SLC35A3: variants seen among roughly 807,000 people sequenced by gnomAD.
SLC35A3 encodes the protein solute carrier family 35 member A3.
SLC35A3 carries 26 observed loss-of-function variants against 39.0 expected under a neutral mutation model. The ratio of observed to expected loss-of-function variants is 0.67; its 90% CI spans 0.49 to 0.92. SLC35A3 has a LOEUF of 0.92. Ranked by LOEUF, SLC35A3 falls within the 40% of genes least tolerant of loss-of-function variation. SLC35A3 has a pLI of 0.00. For missense variants in SLC35A3, 299 were observed against 371.6 expected (o/e 0.80, Z 1.61); for synonymous variants, 135 against 133.1 (o/e 1.01, Z -0.10).
intron 5 of SLC35A3, among the ~76,000 whole-genome samples, chr1:100,012,037 A>C (rs902146154): frequency 9.9e-5 from 15 of 152,086 alleles, no homozygotes; most frequent in African/African-American, 3.4e-4. Flanking sequence ...TTTTAAATGA[A>C]CGCCTTTTAT....
In SLC35A3 at chr1:100,007,124, G is replaced by A. The variant is rs757866129; in HGVS notation, c.433G>A (p.Val145Ile). The A allele has an allele frequency of 9.9e-6, 16 of 1,611,174 alleles. No homozygotes were observed. Among genetic ancestry groups the A allele is most frequent in the Admixed American group, 3.4e-5 (2 of 59,678 alleles). ...KLGVYQWLSL[V>I]ILMTGVAFVQ... Reference sequence around the variant, plus strand: ...GGGTGTATACCAGTGGCTGTCCCTAGTAATTTTGATGACAGGAGTTGCTTT... The same window carrying A: ...GGGTGTATACCAGTGGCTGTCCCTAATAATTTTGATGACAGGAGTTGCTTT... The change falls in exon 4 of 8, where the codon GTA (valine) becomes ATA (isoleucine). Residue 145 changes from valine to isoleucine, a missense_variant. By Grantham distance (29) the Val-to-Ile change is conservative. Coordinates refer to ENST00000533028, the MANE Select transcript of SLC35A3 (RefSeq NM_012243.3).
Position 100,035,139 on chromosome 1 carries a change from G to C in SLC35A3, c.*12663G>C, listed in dbSNP as rs1661431284. On this transcript the variant is annotated 3_prime_UTR_variant, in exon 8 of 8. Coordinates refer to ENST00000533028, the MANE Select transcript of SLC35A3 (RefSeq NM_012243.3). ...GATATCCAAATCAGTGGATGCTAAAGTCCCTTACATAAAATGGCATAGTAT... is the reference window on the plus strand; with the variant it reads ...GATATCCAAATCAGTGGATGCTAAACTCCCTTACATAAAATGGCATAGTAT... 1 of 152,092 alleles carries C rather than the reference G, an allele frequency of 6.6e-6. No homozygotes were observed. The highest frequency in any genetic ancestry group is 2.1e-4 in the South Asian group (1 of 4,824). The allele number at this position is 152,092 out of a possible 1,614,324, so 9.4% of individuals were successfully genotyped here. A position where few individuals can be genotyped will look rare whatever the true frequency, so the allele number is the denominator to read the frequency against.
chr1:99,974,146 G>C (rs532396207), intron 1 of SLC35A3, among the ~76,000 whole-genome samples: 1 of 151,970 alleles, frequency 6.6e-6, no homozygotes, highest in Admixed American at 6.5e-5. Context: ...TTCTGTAAAA[G>C]TTATGTAAGT....
chr1:100,001,663 C>T (rs1014998613), intron 3 of SLC35A3, among the ~76,000 whole-genome samples: 4 of 151,942 alleles, frequency 2.6e-5, no homozygotes, highest in Non-Finnish European at 5.9e-5. Context: ...ATTTGACTTC[C>T]TCTTTTCCAG....
intron 1 of SLC35A3, 95 bp downstream of exon 1, chr1:99,970,257 C>A: frequency 3.5e-6 from 1 of 283,630 alleles, no homozygotes; most frequent in Non-Finnish European, 6.6e-6. Flanking sequence ...GAAGAGGAGG[C>A]ATGCGAGGGG....
chr1:99,982,312 T>C (rs544965591), intron 1 of SLC35A3, among the ~76,000 whole-genome samples: 3 of 152,216 alleles, frequency 2.0e-5, no homozygotes, highest in Non-Finnish European at 4.4e-5. Flanking sequence ...GTATTCTATT[T>C]TTGAAAAGAT....
chr1:100,011,908 T>G (rs111757963), intron 5 of SLC35A3, among the ~76,000 whole-genome samples: 392 of 151,658 alleles, frequency 2.6e-3, no homozygotes, highest in African/African-American at 9.0e-3. Flanking sequence ...TTAGTAGAGA[T>G]AGGGTTTCAC....
In SLC35A3 at chr1:100,024,782, C is replaced by T. The variant is rs1660808466; in HGVS notation, c.*2306C>T. On this transcript the variant is annotated 3_prime_UTR_variant, in exon 8 of 8. Coordinates refer to ENST00000533028, the MANE Select transcript of SLC35A3 (RefSeq NM_012243.3). ...GCAGGCGTGAGCCACTGCGCCCGGC[C>T]TATACTGTATATATTTTTAAAGACT... The T allele has an allele frequency of 2.5e-6, 1 of 395,452 alleles. No individual in the cohort carries two copies. The highest frequency in any genetic ancestry group is 2.1e-5 in the African/African-American group (1 of 48,412). 24.5% of individuals were successfully genotyped at this position (395,452 alleles called of 1,614,324 possible).
chr1:99,976,381 G>T (rs1557818373), intron 1 of SLC35A3, among the ~76,000 whole-genome samples: 1 of 152,156 alleles, frequency 6.6e-6, no homozygotes, highest in Non-Finnish European at 1.5e-5. Context: ...TCGAATATTG[G>T]AATCTTGTTC....
intron 6 of SLC35A3, chr1:100,015,722 A>C (rs1289294956): frequency 1.0e-5 from 3 of 298,794 alleles, no homozygotes; most frequent in Non-Finnish European, 1.2e-5. Flanking sequence ...AAGTCTTATC[A>C]TTGTACAGGA....
chr1:99,997,563 ATATT>A lies in SLC35A3; in HGVS notation c.188-1680_188-1677del, dbSNP rs572545901. Reference sequence around the variant, plus strand: ...CTAATATATATATTATATATATTATATATTTATTTATTTATTTATTTTACCATCC... The same window carrying A: ...CTAATATATATATTATATATATTATATATTTATTTATTTATTTTACCATCC... On this transcript the variant is annotated intron_variant, in intron 2 of 7. Transcript: ENST00000533028. 2.1e-5 allele frequency among the ~76,000 whole-genome samples: 3 copies of A among 145,878 alleles called. No individual in the cohort carries two copies. The East Asian group carries it at 5.9e-4, about 29-fold the overall frequency.
Position 100,028,067 on chromosome 1 carries a change from G to C in SLC35A3, c.*5591G>C, listed in dbSNP as rs1661012869. ...CAATTCTCCTGCCTCAGCCTCCCTAGTAACTGGGATTACAGGCCATGCCAC... is the reference window on the plus strand; with the variant it reads ...CAATTCTCCTGCCTCAGCCTCCCTACTAACTGGGATTACAGGCCATGCCAC... On this transcript the variant is annotated 3_prime_UTR_variant, in exon 8 of 8. Coordinates refer to ENST00000533028, the MANE Select transcript of SLC35A3 (RefSeq NM_012243.3). The C allele has an allele frequency of 6.9e-6, 1 of 145,914 alleles. No homozygotes were observed. Among genetic ancestry groups the C allele is most frequent in the African/African-American group, 2.6e-5 (1 of 39,054 alleles). 9.0% of individuals were successfully genotyped at this position (145,914 alleles called of 1,614,324 possible).
rs184215759 is a variant in SLC35A3 at position 100,002,576 on chromosome 1, T to C, written c.342+3161T>C. Among the ~76,000 whole-genome samples, 504 of 152,272 alleles carry C rather than the reference T, an allele frequency of 3.3e-3. 4 individuals are homozygous for C. Among genetic ancestry groups the C allele is most frequent in the Non-Finnish European group, 5.6e-3 (379 of 68,014 alleles). The stretch of plus-strand genomic sequence containing the variant: ...TTCTTTTATTTCATCCTTTGTATTT[T>C]TGTTTAGTTTCTATTTCATTTAGTT... On this transcript the variant is annotated intron_variant, in intron 3 of 7. Transcript: ENST00000533028.
At chr1:99,998,358 A>G (rs146307260) in intron 2 of SLC35A3, among the ~76,000 whole-genome samples, 15 of 152,104 alleles carry the variant, frequency 9.9e-5, no homozygotes, top group African/African-American at 3.6e-4. Flanking sequence ...GGTTCTCATT[A>G]TGTTTATCAA....
intron 1 of SLC35A3, among the ~76,000 whole-genome samples, chr1:99,973,377 C>T (rs969732577): frequency 3.3e-5 from 5 of 152,178 alleles, no homozygotes; most frequent in African/African-American, 1.2e-4. Flanking sequence ...TTTTAATCCT[C>T]ACAAAAGCAA....
chr1:99,991,262 A>G (rs1449868278), intron 1 of SLC35A3, among the ~76,000 whole-genome samples: 1 of 152,140 alleles, frequency 6.6e-6, no homozygotes, highest in Non-Finnish European at 1.5e-5. Flanking sequence ...CTCCTGCCTC[A>G]GCTTCCTGAG....
intron 6 of SLC35A3, chr1:100,015,629 G>T: frequency 2.2e-6 from 1 of 449,478 alleles, no homozygotes; most frequent in Non-Finnish European, 3.7e-6. Context: ...TGAACTTTGT[G>T]GTTTTAAATG....
rs951750313 is a variant in SLC35A3 at position 99,993,598 on chromosome 1, T to C, written c.44T>C (p.Phe15Ser). ...TACGTTTCCCTGGGAATTTTGGTCT[T>C]TCAGACTACCAGTTTGGTTCTAACA... ...LKYVSLGILV[F>S]QTTSLVLTMR... The change falls in exon 2 of 8, where the codon TTT (phenylalanine) becomes TCT (serine). Residue 15 changes from phenylalanine to serine, a missense_variant. Transcript: ENST00000533028. 1 of 1,613,960 alleles carries C rather than the reference T, an allele frequency of 6.2e-7. No homozygotes were observed. The highest frequency in any genetic ancestry group is 1.3e-5 in the African/African-American group (1 of 74,942).
Position 100,022,442 on chromosome 1 carries a change from A to T in SLC35A3, c.944A>T (p.Asp315Val). 3 of 1,605,964 alleles carry T rather than the reference A, an allele frequency of 1.9e-6. No homozygotes were observed. The highest frequency in any genetic ancestry group is 2.6e-6 in the Non-Finnish European group (3 of 1,173,800). Residue 315 changes from aspartate to valine, a missense_variant, in exon 8 of 8, where the codon GAT becomes GTT. Physicochemically the swap from Asp to Val is radical, Grantham distance 152 (BLOSUM62 -3). Transcript: ENST00000533028. Reference sequence around the variant, plus strand: ...ACAGCTACTTTTTTGTATGGTTATGATCCCAAACCTGCAGGAAATCCCACT... The same window carrying T: ...ACAGCTACTTTTTTGTATGGTTATGTTCCCAAACCTGCAGGAAATCCCACT... ...VITATFLYGYDPKPAGNPTKA is the reference protein window; with the variant it reads ...VITATFLYGYVPKPAGNPTKA
Sources: gnomAD v4.1 joint callset for allele counts (sites outside exome capture counted in the v4.1 genomes callset) on GRCh38, gnomAD v4.1.1 for gene constraint, MANE v1.5 for transcripts, NCBI Gene and HGNC (gene_info 2026-07-23, HGNC 2026-07-21) for gene names.